Variants in WDR72 observed in about 807,000 individuals in gnomAD.
WDR72 encodes WD repeat domain 72.
WDR72 carries 120 observed loss-of-function variants against 124.2 expected under a neutral mutation model. The ratio of observed to expected loss-of-function variants is 0.97; its 90% confidence interval spans 0.83 to 1.12. The LOEUF is 1.12. WDR72 is among the 50% of genes most tolerant of loss of function. The pLI, the probability that WDR72 is intolerant of heterozygous loss-of-function variation, is 0.00. For synonymous variants in WDR72, 452 were observed against 441.7 expected, an observed-to-expected ratio of 1.02 and a Z score of -0.29; for missense variants, 1,387 against 1,278.8, an observed-to-expected ratio of 1.08 and a Z score of -1.29.
rs561182559 is a variant in WDR72, at chr15:53,745,608, T to C, written c.-12-12447A>G. ...TAAGTTTTGTATAGTATACACTATG[T>C]AATATTTGGGACATGGTTATACTAA... On this transcript the variant is annotated intron_variant, in intron 1 of 19. Coordinates refer to ENST00000360509, the MANE Select transcript of WDR72 (RefSeq NM_182758.4). Among the ~76,000 whole-genome samples the C allele has an allele frequency of 3.3e-5, 5 of 152,354 alleles. No individual in the cohort carries two copies. In the South Asian group the frequency reaches 1.0e-3, roughly 32 times the overall value.
At chr15:53,761,520 T>A (rs1471075648), upstream of WDR72, among the ~76,000 whole-genome samples, 1 of 152,146 alleles carries the variant, frequency 6.6e-6, no homozygotes, top group Non-Finnish European at 1.5e-5. Flanking sequence ...TGGTAAGGGA[T>A]GGAAGGACGT....
intron 14 of WDR72, among the ~76,000 whole-genome samples, chr15:53,632,295 G>A (rs1412384544): frequency 1.3e-5 from 2 of 152,156 alleles, no homozygotes; most frequent in Non-Finnish European, 2.9e-5. Flanking sequence ...GAGCGTGCAA[G>A]TGGTAAGCTT....
upstream of WDR72, chr15:53,759,679 G>A (rs1276549279): frequency 1.3e-5 from 2 of 152,192 alleles, no homozygotes; most frequent in African/African-American, 2.4e-5. Context: ...AGGCTGGCGG[G>A]TCTCGCCCTT....
chr15:53,733,404 G>C (rs1326193636), intron 1 of WDR72, among the ~76,000 whole-genome samples: 1 of 152,124 alleles, frequency 6.6e-6, no homozygotes, highest in Admixed American at 6.6e-5. Flanking sequence ...TATTGTTGAA[G>C]AGAAAGAAAG....
At chr15:53,636,395 A>G (rs1465907073) in intron 14 of WDR72, among the ~76,000 whole-genome samples, 1 of 152,184 alleles carries the variant, frequency 6.6e-6, no homozygotes, top group Non-Finnish European at 1.5e-5. Context: ...CTTTTAAATA[A>G]ATCTTTAAAA....
chr15:53,739,166 A>G (rs1404392427), intron 1 of WDR72, among the ~76,000 whole-genome samples: 2 of 152,216 alleles, frequency 1.3e-5, no homozygotes, highest in South Asian at 4.1e-4. Flanking sequence ...TCAACAGATG[A>G]GAGACAGAAG....
At chr15:53,748,960 G>C (rs1567062852) in intron 1 of WDR72, among the ~76,000 whole-genome samples, 1 of 152,136 alleles carries the variant, frequency 6.6e-6, no homozygotes, top group South Asian at 2.1e-4. Context: ...AGACAAGAAA[G>C]ACAAAGCAAG....
intron 18 of WDR72, among the ~76,000 whole-genome samples, chr15:53,578,562 C>T (rs190937233): frequency 5.5e-4 from 83 of 152,098 alleles, no homozygotes; most frequent in Admixed American, 2.0e-3. Context: ...TTTGGAGGAA[C>T]TGAAAAGGGT....
intron 18 of WDR72, among the ~76,000 whole-genome samples, chr15:53,547,149 C>T (rs926857314): frequency 6.6e-6 from 1 of 152,250 alleles, no homozygotes; most frequent in African/African-American, 2.4e-5. Context: ...AGGATGCCCA[C>T]TGTTACCAAC....
chr15:53,556,062 A>G (rs527277581), intron 18 of WDR72, among the ~76,000 whole-genome samples: 11 of 152,272 alleles, frequency 7.2e-5, no homozygotes, highest in African/African-American at 2.6e-4. Flanking sequence ...AAATGTTTGG[A>G]TGACAATGTA....
intron 14 of WDR72, among the ~76,000 whole-genome samples, chr15:53,658,632 CA>C (rs1207447003): frequency 6.6e-6 from 1 of 152,004 alleles, no homozygotes; most frequent in Non-Finnish European, 1.5e-5. Context: ...ATTGGGCTGG[CA>C]ATATACAATA....
chr15:53,678,460 CT>C (rs1427321691), intron 13 of WDR72, among the ~76,000 whole-genome samples: 2 of 152,132 alleles, frequency 1.3e-5, no homozygotes, highest in Non-Finnish European at 2.9e-5. Flanking sequence ...GAACCATTTC[CT>C]TTTCCTTCTT....
intron 9 of WDR72, 136 bp from the exon 10 acceptor site, chr15:53,706,210 G>T: frequency 9.3e-7 from 1 of 1,074,538 alleles, no homozygotes; most frequent in Non-Finnish European, 1.3e-6. Context: ...ACATTTTCAA[G>T]TAAATTAAAT....
Position 53,714,499 on chromosome 15 carries a change from A to G in WDR72, c.526T>C (p.Leu176=). The G allele has an allele frequency of 1.2e-6, 2 of 1,613,424 alleles. No individual in the cohort carries two copies. The highest frequency in any genetic ancestry group is 1.7e-6 in the Non-Finnish European group (2 of 1,179,416). ...HSMRIQEDSL[L]VVSVAGELKV... ...AGCTCACCAGCTACTGATACCACCA[A>G]GAGAGAATCTTCTGTGAAAATAATA... The change falls in exon 6 of 20, where the codon TTG becomes CTG. Residue 176 remains leucine, a synonymous_variant. Transcript: ENST00000360509.
intron 14 of WDR72, among the ~76,000 whole-genome samples, chr15:53,648,082 T>C (rs1335214529): frequency 6.6e-6 from 1 of 152,120 alleles, no homozygotes. Flanking sequence ...AGATGGCACG[T>C]CTGTTTGAAT....
intron 18 of WDR72, among the ~76,000 whole-genome samples, chr15:53,572,703 G>C (rs1894587468): frequency 2.0e-5 from 3 of 152,114 alleles, no homozygotes; most frequent in African/African-American, 7.2e-5. Flanking sequence ...CTTGACTATA[G>C]ATGCCTGGGA....
rs143518508 is a variant in WDR72, at chr15:53,675,141, G to T, written c.1766-9373C>A. Among the ~76,000 whole-genome samples the T allele has an allele frequency of 4.4e-3, 676 of 152,244 alleles. 4 individuals are homozygous for T. The highest frequency in any genetic ancestry group is 0.016 in the African/African-American group (646 of 41,528). ...AGGCGGATCACGAGGTCAGGAGATT[G>T]AGACCATCCTGGCCAACATGGTGAA... On this transcript the variant is annotated intron_variant, in intron 13 of 19. Transcript: ENST00000360509.
intron 17 of WDR72, among the ~76,000 whole-genome samples, chr15:53,601,160 C>A (rs1445312928): frequency 2.0e-5 from 3 of 152,064 alleles, no homozygotes; most frequent in African/African-American, 7.2e-5. Context: ...CAGTGGGCCT[C>A]TTAGTGGAAA....
At chr15:53,567,684 A>G (rs2140301115) in intron 18 of WDR72, among the ~76,000 whole-genome samples, 1 of 152,112 alleles carries the variant, frequency 6.6e-6, no homozygotes, top group Non-Finnish European at 1.5e-5. Flanking sequence ...TACAGAATCT[A>G]AACACCTTTT....
Sources: gnomAD v4.1 joint callset for allele counts (sites outside exome capture counted in the v4.1 genomes callset) on GRCh38, gnomAD v4.1.1 for gene constraint, MANE v1.5 for transcripts, NCBI Gene and HGNC (gene_info 2026-07-23, HGNC 2026-07-21) for gene names.